SEPTIN9: variants seen among roughly 807,000 people sequenced by gnomAD.
SEPTIN9 encodes septin-9.
SEPTIN9 carries 13 observed loss-of-function variants against 56.6 expected under a neutral mutation model. The observed-to-expected ratio is 0.23, with a 90% CI of 0.15 to 0.37. SEPTIN9 has a LOEUF of 0.37. Ranked by LOEUF, SEPTIN9 falls within the 10% of genes least tolerant of loss-of-function variation. The pLI is 1.00. For missense variants in SEPTIN9, 650 were observed against 823.1 expected (o/e 0.79, Z 2.57); for synonymous variants, 332 against 334.1 (o/e 0.99, Z 0.07).
At chr17:77,380,050 C>T (rs978094610) in intron 2 of SEPTIN9, 1 of 157,660 alleles carries the variant, frequency 6.3e-6, no homozygotes, top group Non-Finnish European at 1.4e-5. Flanking sequence ...CAGTTGGCCC[C>T]TAGACACCCC....
intron 3 of SEPTIN9, among the ~76,000 whole-genome samples, chr17:77,470,163 C>A (rs2038924749): frequency 6.7e-6 from 1 of 149,898 alleles, no homozygotes; most frequent in South Asian, 2.1e-4. Flanking sequence ...ACCCATTTAT[C>A]CATCCACTCA....
Position 77,445,230 on chromosome 17 carries a change from G to A in SEPTIN9, c.722-36914G>A. ...ATGTGGGCTGCCTCGGGGCGTCACA[G>A]CTACAAATGCATACCAGCCCTCAGA... is the stretch of plus-strand genomic sequence containing the variant. On this transcript the variant is annotated intron_variant, in intron 3 of 11. Coordinates refer to ENST00000427177, the MANE Select transcript of SEPTIN9 (RefSeq NM_001113491.2). The surrounding 1 kb of genome is among the most constrained non-coding windows in gnomAD (Gnocchi z 4.7). 1 of 470,880 alleles carries A rather than the reference G, an allele frequency of 2.1e-6. No individual in the cohort carries two copies. 29.2% of individuals were successfully genotyped at this position (470,880 alleles called of 1,614,324 possible).
intron 4 of SEPTIN9, chr17:77,482,542 G>A (rs1568108727): frequency 2.8e-6 from 2 of 707,646 alleles, no homozygotes; most frequent in East Asian, 2.7e-5. Flanking sequence ...AGAGGGGCCT[G>A]TCCTGCACAT....
At chr17:77,452,446 C>A (rs1201587995) in intron 3 of SEPTIN9, among the ~76,000 whole-genome samples, 1 of 152,240 alleles carries the variant, frequency 6.6e-6, no homozygotes, top group Non-Finnish European at 1.5e-5. Context: ...CCTGGCCCCT[C>A]TCTCTTTGCT....
chr17:77,310,755 T>C lies in SEPTIN9; in HGVS notation c.76+3558T>C, dbSNP rs1175105139. Reference sequence around the variant, plus strand: ...GCGTCCAGCGGACTTTTGCCCTGTTTCCCACGGTGCACGGAGCATTTCATC... The same window carrying C: ...GCGTCCAGCGGACTTTTGCCCTGTTCCCCACGGTGCACGGAGCATTTCATC... On this transcript the variant is annotated intron_variant, in intron 2 of 11. Coordinates refer to ENST00000427177, the MANE Select transcript of SEPTIN9 (RefSeq NM_001113491.2). This position sits in a 1 kb window ranked among gnomAD's most constrained non-coding sequence, Gnocchi z 4.7. Among the ~76,000 whole-genome samples the C allele has an allele frequency of 1.3e-5, 2 of 152,064 alleles. No individual in the cohort carries two copies. Among genetic ancestry groups the C allele is most frequent in the African/African-American group, 4.8e-5 (2 of 41,408 alleles).
intron 1 of SEPTIN9, among the ~76,000 whole-genome samples, chr17:77,301,892 G>A (rs1434858480): frequency 1.3e-5 from 2 of 152,180 alleles, no homozygotes; most frequent in Non-Finnish European, 2.9e-5. Flanking sequence ...GCAGGGGTGT[G>A]GCGGTGTCAC....
chr17:77,474,452 C>T (rs2039128375), intron 3 of SEPTIN9, among the ~76,000 whole-genome samples: 1 of 152,204 alleles, frequency 6.6e-6, no homozygotes, highest in African/African-American at 2.4e-5. Context: ...GCTCTAAGCC[C>T]TGGGAAGAGC....
intron 3 of SEPTIN9, among the ~76,000 whole-genome samples, chr17:77,455,973 G>A (rs532393333): frequency 2.0e-5 from 3 of 152,190 alleles, no homozygotes; most frequent in Non-Finnish European, 4.4e-5. Flanking sequence ...GATCTCCCCC[G>A]GGGCAGGGGA....
At chr17:77,344,480 A>G (rs1368743297) in intron 2 of SEPTIN9, among the ~76,000 whole-genome samples, 1 of 152,242 alleles carries the variant, frequency 6.6e-6, no homozygotes, top group East Asian at 1.9e-4. Context: ...CAGAATGACC[A>G]TAACATCCAG....
chr17:77,423,021 C>A (rs976532211), intron 3 of SEPTIN9, among the ~76,000 whole-genome samples: 31 of 152,260 alleles, frequency 2.0e-4, no homozygotes, highest in African/African-American at 7.5e-4. Flanking sequence ...CTTGTGAACC[C>A]TGAGACAATA....
intron 2 of SEPTIN9, among the ~76,000 whole-genome samples, chr17:77,352,765 A>G (rs1262131934): frequency 2.6e-5 from 4 of 152,152 alleles, no homozygotes; most frequent in Non-Finnish European, 5.9e-5. Flanking sequence ...CCCAGGCTCA[A>G]GCAATCCTCC....
chr17:77,339,671 G>C (rs2033664137), intron 2 of SEPTIN9, among the ~76,000 whole-genome samples: 1 of 151,862 alleles, frequency 6.6e-6, no homozygotes, highest in African/African-American at 2.4e-5. Context: ...CACCATGCTT[G>C]GCTAGTTTTT....
chr17:77,457,983 A>G (rs1307251427), intron 3 of SEPTIN9, among the ~76,000 whole-genome samples: 1 of 152,218 alleles, frequency 6.6e-6, no homozygotes, highest in East Asian at 1.9e-4. Flanking sequence ...CACCCTAGCT[A>G]GAGCCTGTGC....
chr17:77,296,904 CAGAT>C (rs1191712522), intron 1 of SEPTIN9, among the ~76,000 whole-genome samples: 4 of 151,918 alleles, frequency 2.6e-5, no homozygotes, highest in East Asian at 3.9e-4. Context: ...AGATAGATGA[CAGAT>C]GGATGATAGG....
At position 77,429,132 on chromosome 17, in the gene SEPTIN9, G is replaced by A. The variant is rs1211728904; in HGVS notation, c.721+26429G>A. The stretch of plus-strand genomic sequence containing the variant: ...CGGTGTGTGTGAGGCCAAGCTCCTG[G>A]GGTGGGGACTTGGGGGTGTGTCTGC... On this transcript the variant is annotated intron_variant, in intron 3 of 11. Coordinates refer to ENST00000427177, the MANE Select transcript of SEPTIN9 (RefSeq NM_001113491.2). The surrounding 1 kb of genome is among the most constrained non-coding windows in gnomAD (Gnocchi z 5.2). 2 of 471,568 alleles carry A rather than the reference G, an allele frequency of 4.2e-6. No homozygotes were observed. Among genetic ancestry groups the A allele is most frequent in the Non-Finnish European group, 4.4e-6 (1 of 227,214 alleles). The allele number at this position is 471,568 out of a possible 1,614,324, so 29.2% of individuals were successfully genotyped here. A position where few individuals can be genotyped will look rare whatever the true frequency, so the allele number is the denominator to read the frequency against.
chr17:77,320,068 C>A, intron 2 of SEPTIN9: 1 of 1,417,874 alleles, frequency 7.1e-7, no homozygotes, highest in Non-Finnish European at 9.2e-7. Context: ...TCCTTTGCTC[C>A]CTTTTTCCTC....
At chr17:77,382,320 C>G (rs950587520) in intron 2 of SEPTIN9, among the ~76,000 whole-genome samples, 24 of 152,242 alleles carry the variant, frequency 1.6e-4, no homozygotes, top group Non-Finnish European at 1.3e-4. Flanking sequence ...TGAGCCACTG[C>G]GCTCGGCCTT....
chr17:77,367,257 G>A lies in SEPTIN9; in HGVS notation c.77-34802G>A, dbSNP rs1175327288. On this transcript the variant is annotated intron_variant, in intron 2 of 11. Coordinates refer to ENST00000427177, the MANE Select transcript of SEPTIN9 (RefSeq NM_001113491.2). This position sits in a 1 kb window ranked among gnomAD's most constrained non-coding sequence, Gnocchi z 4.5. ...GGGGCTTGGCCCAGGTGGAAACCAT[G>A]CACTGTCTGTGATCCTGGGCATGTC... 1.3e-5 allele frequency among the ~76,000 whole-genome samples: 2 copies of A among 152,226 alleles called. No individual in the cohort carries two copies. The highest frequency in any genetic ancestry group is 4.8e-5 in the African/African-American group (2 of 41,450).
rs1457584311 is a variant in SEPTIN9, at chr17:77,402,189, G to T, written c.207G>T (p.Lys69Asn). 4.3e-6 allele frequency: 7 copies of T among 1,613,786 alleles called. No homozygotes were observed. Among genetic ancestry groups the T allele is most frequent in the Non-Finnish European group, 5.9e-6 (7 of 1,179,872 alleles). Residue 69 changes from lysine to asparagine, a missense_variant, in exon 3 of 12, where the codon AAG becomes AAT. Lys to Asn is a moderately conservative substitution (Grantham distance 94). Coordinates refer to ENST00000427177, the MANE Select transcript of SEPTIN9 (RefSeq NM_001113491.2). This position sits in a 1 kb window ranked among gnomAD's most constrained non-coding sequence, Gnocchi z 6.6. The part of the protein sequence containing the change: ...STQKFQDLGV[K>N]NSEPSARHVD... Reference sequence around the variant, plus strand: ...AGAAATTCCAGGACCTGGGCGTGAAGAACTCAGAACCCTCGGCCCGCCATG... The same window carrying T: ...AGAAATTCCAGGACCTGGGCGTGAATAACTCAGAACCCTCGGCCCGCCATG...
Sources: allele counts gnomAD v4.1 joint callset (sites outside exome capture counted in the v4.1 genomes callset), GRCh38; gene constraint gnomAD v4.1.1; non-coding constraint Gnocchi (gnomAD v3.1); transcripts MANE v1.5; gene names NCBI Gene and HGNC (gene_info 2026-07-23, HGNC 2026-07-21).